The following PTPRT variants were observed in gnomAD, a reference collection of about 807,000 sequenced individuals.
PTPRT encodes the protein receptor-type tyrosine-protein phosphatase T.
Under a neutral mutation model 176.8 loss-of-function variants are expected in PTPRT, and 56 were observed. The observed-to-expected ratio is 0.32, with a 90% CI of 0.26 to 0.40. PTPRT has a LOEUF of 0.40. PTPRT is among the 10% of genes least tolerant of loss of function. The probability of loss-of-function intolerance (pLI) is 1.00; values close to 1 mark genes in which losing one functional copy is unlikely to be tolerated. For synonymous variants in PTPRT, 783 were observed against 739.0 expected (o/e 1.06, Z -0.96); for missense variants, 1,540 against 1,908.2 (o/e 0.81, Z 3.60).
intron 27 of PTPRT, among the ~76,000 whole-genome samples, chr20:42,086,742 A>AT (rs1983970989): frequency 8.7e-5 from 6 of 68,966 alleles, no homozygotes; most frequent in South Asian, 6.5e-4. Flanking sequence ...AAAAAAAAAA[A>AT]AAAAAAAAAA....
intron 6 of PTPRT, among the ~76,000 whole-genome samples, chr20:42,735,611 A>AAG (rs970032847): frequency 4.7e-4 from 72 of 152,352 alleles, no homozygotes; most frequent in African/African-American, 1.7e-3. Flanking sequence ...GTTGCTACAA[A>AAG]CACTATGTCC....
At chr20:43,146,505 T>C (rs2146410977) in intron 1 of PTPRT, among the ~76,000 whole-genome samples, 1 of 151,212 alleles carries the variant, frequency 6.6e-6, no homozygotes, top group South Asian at 2.1e-4. Context: ...ATTAGGCCAC[T>C]CTCCAAACAC....
intron 1 of PTPRT, among the ~76,000 whole-genome samples, chr20:42,959,070 T>C (rs1361627150): frequency 1.3e-5 from 2 of 152,160 alleles, no homozygotes; most frequent in Non-Finnish European, 2.9e-5. Flanking sequence ...TTGTACTCAA[T>C]ACCCTAACCT....
intron 15 of PTPRT, among the ~76,000 whole-genome samples, chr20:42,206,521 G>T (rs1342505452): frequency 1.3e-5 from 2 of 152,056 alleles, no homozygotes; most frequent in Non-Finnish European, 2.9e-5. Context: ...AAGGGGTGAC[G>T]GACGGCACCT....
At chr20:42,047,906 A>G in the PTPRT span, among the ~76,000 whole-genome samples, 10 of 152,346 alleles carry the variant, frequency 6.6e-5, no homozygotes, top group African/African-American at 1.7e-4. Flanking sequence ...TGGTCTCCCA[A>G]TGCAGACATC....
rs577060070 is a variant in PTPRT, at chr20:42,189,893, T to A, written c.2491+9347A>T. Among the ~76,000 whole-genome samples the A allele has an allele frequency of 2.6e-5, 4 of 152,342 alleles. No homozygotes were observed. In the East Asian group the frequency reaches 7.7e-4, roughly 29 times the overall value. On this transcript the variant is annotated intron_variant, in intron 16 of 30. Transcript: ENST00000373187. Reference sequence around the variant, plus strand: ...ATCTTTTTTGAGTCTAATATTCTTCTCTAAAACTTGTCTTAATTTAACTCC... The same window carrying A: ...ATCTTTTTTGAGTCTAATATTCTTCACTAAAACTTGTCTTAATTTAACTCC...
Position 42,079,296 on chromosome 20 carries a change from A to G in PTPRT, c.*1583T>C. 4.8e-6 allele frequency: 1 copy of G among 207,882 alleles called. No homozygotes were observed. The highest frequency in any genetic ancestry group is 7.2e-5 in the East Asian group (1 of 13,846). 12.9% of individuals were successfully genotyped at this position (207,882 alleles called of 1,614,324 possible). ...GTACTAAATTTCCATTTGTGGAGTTATCTGCTCAGAAGTTTCTGGCCTTAT... is the reference window on the plus strand; with the variant it reads ...GTACTAAATTTCCATTTGTGGAGTTGTCTGCTCAGAAGTTTCTGGCCTTAT... On this transcript the variant is annotated 3_prime_UTR_variant, in exon 31 of 31. Coordinates refer to ENST00000373187, the MANE Select transcript of PTPRT (RefSeq NM_007050.6).
intron 9 of PTPRT, among the ~76,000 whole-genome samples, chr20:42,353,967 T>C (rs1025804398): frequency 2.0e-5 from 3 of 152,088 alleles, no homozygotes; most frequent in African/African-American, 7.2e-5. Flanking sequence ...GGTGGGAAGA[T>C]GGCTTGAGCC....
chr20:42,414,370 A>G (rs1237888844), intron 9 of PTPRT, among the ~76,000 whole-genome samples: 1 of 152,246 alleles, frequency 6.6e-6, no homozygotes, highest in African/African-American at 2.4e-5. Flanking sequence ...TAGATTCAGA[A>G]CAAAACAAGG....
At chr20:42,161,615 G>C (rs569401394) in intron 16 of PTPRT, 73 bp from the exon 17 acceptor site, 2 of 1,500,168 alleles carry the variant, frequency 1.3e-6, no homozygotes, top group East Asian at 4.6e-5. Flanking sequence ...GTCTCCCCCA[G>C]CTTGGCCTGA....
intron 7 of PTPRT, among the ~76,000 whole-genome samples, chr20:42,650,442 A>C (rs1331756809): frequency 6.6e-6 from 1 of 152,168 alleles, no homozygotes; most frequent in Non-Finnish European, 1.5e-5. Context: ...TTTCTAAAAT[A>C]AATCTGTCAC....
chr20:42,555,951 C>T (rs747150864), intron 7 of PTPRT, among the ~76,000 whole-genome samples: 1 of 152,112 alleles, frequency 6.6e-6, no homozygotes, highest in Non-Finnish European at 1.5e-5. Flanking sequence ...TTTCTGTTAC[C>T]ACCATAAAGC....
chr20:42,042,850 T>A, the PTPRT span, among the ~76,000 whole-genome samples: 2 of 152,270 alleles, frequency 1.3e-5, no homozygotes, highest in Non-Finnish European at 2.9e-5. Context: ...CTTGCAGGAA[T>A]GTGTGTAGTG....
chr20:42,396,105 A>T (rs1208929948), intron 9 of PTPRT, among the ~76,000 whole-genome samples: 1 of 152,136 alleles, frequency 6.6e-6, no homozygotes, highest in Non-Finnish European at 1.5e-5. Flanking sequence ...CTGAAACTTA[A>T]CAGATGCCAA....
intron 12 of PTPRT, among the ~76,000 whole-genome samples, chr20:42,303,117 C>T (rs1424564249): frequency 6.6e-6 from 1 of 152,162 alleles, no homozygotes; most frequent in African/African-American, 2.4e-5. Context: ...TGGTTTAAAC[C>T]AACCCAAACC....
intron 7 of PTPRT, among the ~76,000 whole-genome samples, chr20:42,646,969 A>G (rs1168371451): frequency 7.7e-6 from 1 of 129,688 alleles, no homozygotes; most frequent in African/African-American, 3.0e-5. Flanking sequence ...AACGTGGTTC[A>G]CTGCAGCCTT....
intron 12 of PTPRT, among the ~76,000 whole-genome samples, chr20:42,311,897 A>G (rs772225323): frequency 2.6e-5 from 4 of 152,234 alleles, no homozygotes; most frequent in African/African-American, 9.6e-5. Context: ...GAAATAAAAC[A>G]GTAATTATGT....
rs1192192228 is a variant in PTPRT, at chr20:42,264,232, A to C, written c.2177-15410T>G. On this transcript the variant is annotated intron_variant, in intron 13 of 30. Coordinates refer to ENST00000373187, the MANE Select transcript of PTPRT (RefSeq NM_007050.6). ...TAGACATTTGTTTTGAAGAAGCACA[A>C]ACATTAACAATCATCTCCCACAGAA... Among the ~76,000 whole-genome samples the C allele has an allele frequency of 2.0e-5, 3 of 152,164 alleles. No homozygotes were observed. The South Asian group carries it at 6.2e-4, about 32-fold the overall frequency.
chr20:42,905,565 G>T (rs968091302), intron 1 of PTPRT, among the ~76,000 whole-genome samples: 3 of 152,152 alleles, frequency 2.0e-5, no homozygotes, highest in African/African-American at 4.8e-5. Flanking sequence ...TCCCATTACT[G>T]GGTACATACC....
Sources: gnomAD v4.1 joint callset for allele counts (sites outside exome capture counted in the v4.1 genomes callset) on GRCh38, gnomAD v4.1.1 for gene constraint, MANE v1.5 for transcripts, NCBI Gene and HGNC (gene_info 2026-07-23, HGNC 2026-07-21) for gene names.